The following CDK16 variants were observed in gnomAD, a reference collection of about 807,000 sequenced individuals.
The protein encoded by CDK16 is cyclin dependent kinase 16, also known as cyclin-dependent kinase 16.
In CDK16, 2 loss-of-function variants were observed where a neutral mutation model predicts 41.6. The ratio of observed to expected loss-of-function variants is 0.05; its 90% CI spans 0.02 to 0.15. CDK16 has a LOEUF of 0.15. Among genes scored for constraint, CDK16 ranks in the 10% least tolerant of loss-of-function variants. The probability of loss-of-function intolerance (pLI) is 1.00; values close to 1 mark genes in which losing one functional copy is unlikely to be tolerated. For synonymous variants in CDK16, 169 were observed against 169.7 expected, an observed-to-expected ratio of 1.00 and a Z score of 0.03; for missense variants, 228 against 428.9, an observed-to-expected ratio of 0.53 and a Z score of 4.14.
intron 1 of CDK16, 51 bp downstream of exon 1, chrX:47,219,156 C>T: frequency 3.8e-6 from 3 of 783,749 alleles, no homozygotes; most frequent in Non-Finnish European, 4.5e-6. Context: ...TCAGAACCCA[C>T]CTCGGGCGGT....
At chrX:47,226,086 A>G in intron 8 of CDK16, 59 bp downstream of exon 8, 1 of 1,144,565 alleles carries the variant, frequency 8.7e-7, no homozygotes, top group East Asian at 3.2e-5. Flanking sequence ...ACTCCAACCC[A>G]CAAATCTCCC....
At position 47,224,464 on chromosome X, in the gene CDK16, G is replaced by A; in HGVS notation, c.282G>A (p.Gln94=). 8.3e-7 allele frequency: 1 copy of A among 1,207,174 alleles called. No individual in the cohort carries two copies. The highest frequency in any genetic ancestry group is 1.1e-6 in the Non-Finnish European group (1 of 892,801). ...QASATSSDEV[Q]SPVRVRMRNH... The stretch of plus-strand genomic sequence containing the variant: ...CAGCCACGTCCTCGGATGAGGTGCA[G>A]TCTCCAGTGAGAGTGCGTATGCGCA... The change falls in exon 3 of 16, where the codon CAG becomes CAA. Residue 94 remains glutamine (Q), a synonymous_variant. Transcript: ENST00000357227.
At chrX:47,223,892 T>G in intron 2 of CDK16, 133 bp downstream of exon 2, 3 of 512,363 alleles carry the variant, frequency 5.9e-6, no homozygotes, top group Non-Finnish European at 9.8e-6. Flanking sequence ...CTTCTCCCCC[T>G]TCCCTCCCAT....
At chrX:47,220,535 C>T (rs770814853) in intron 1 of CDK16, among the ~76,000 whole-genome samples, 3 of 108,579 alleles carry the variant, frequency 2.8e-5, no homozygotes, top group Non-Finnish European at 5.8e-5. Flanking sequence ...AGGGTCAGGC[C>T]ATGGTAGAAC....
In CDK16 at chrX:47,228,718, C is replaced by T. The variant is rs2055283080; in HGVS notation, c.1454-13C>T. 1 of 1,209,757 alleles carries T rather than the reference C, an allele frequency of 8.3e-7. No individual in the cohort carries two copies. Among genetic ancestry groups the T allele is most frequent in the East Asian group, 3.0e-5 (1 of 33,785 alleles). On this transcript the variant is annotated splice_polypyrimidine_tract_variant and intron_variant, in intron 15 of 15. Coordinates refer to ENST00000357227, the MANE Select transcript of CDK16 (RefSeq NM_006201.5). ...TACCCACCAACAGCCATCTGCTCTGCTTTCCCCCACAGGCAGGCCAGCTTT... is the reference window on the plus strand; with the variant it reads ...TACCCACCAACAGCCATCTGCTCTGTTTTCCCCCACAGGCAGGCCAGCTTT...
chrX:47,224,284 C>G (rs1384368951), intron 2 of CDK16, 101 bp from the exon 3 acceptor site: 2 of 935,528 alleles, frequency 2.1e-6, no homozygotes, highest in Non-Finnish European at 2.9e-6. Context: ...GTGGGGGCCA[C>G]GTGCACACAT....
Position 47,229,172 on chromosome X carries a change from T to A in CDK16, c.*404T>A. On this transcript the variant is annotated 3_prime_UTR_variant, in exon 16 of 16. Transcript: ENST00000357227. ...CTCGACTCAGACAAGATGGTGACAA[T>A]GCCTTGAGTCTGAGGCATCCTCTGC... 3.4e-6 allele frequency: 1 copy of A among 291,894 alleles called. No individual in the cohort carries two copies. Among genetic ancestry groups the A allele is most frequent in the Non-Finnish European group, 6.1e-6 (1 of 163,340 alleles). The allele number at this position is 291,894 out of a possible 1,213,427, so 24.1% of individuals were successfully genotyped here.
chrX:47,224,829 C>A lies in CDK16; in HGVS notation c.463-5C>A. On this transcript the variant is annotated splice_region_variant and splice_polypyrimidine_tract_variant and intron_variant, in intron 4 of 15. Coordinates refer to ENST00000357227, the MANE Select transcript of CDK16 (RefSeq NM_006201.5). ...CAGCTTTAACCTGCCTCATTTGTCCCACAGTCTGAGATTGGCTTTGGGAAA... is the reference window on the plus strand; with the variant it reads ...CAGCTTTAACCTGCCTCATTTGTCCAACAGTCTGAGATTGGCTTTGGGAAA... 1 of 1,211,619 alleles carries A rather than the reference C, an allele frequency of 8.3e-7. No individual in the cohort carries two copies. Among genetic ancestry groups the A allele is most frequent in the South Asian group, 1.8e-5 (1 of 56,969 alleles).
rs868593901 is a variant in CDK16, at chrX:47,228,796, C to T, written c.*28C>T. 5 of 1,194,307 alleles carry T rather than the reference C, an allele frequency of 4.2e-6. No individual in the cohort carries two copies. Among genetic ancestry groups the T allele is most frequent in the South Asian group, 1.8e-5 (1 of 55,888 alleles). Reference sequence around the variant, plus strand: ...CACAGACCGAGGCCCCAGCAGGCAGCGGCTGGAGGGATGCCACACCCCTCA... The same window carrying T: ...CACAGACCGAGGCCCCAGCAGGCAGTGGCTGGAGGGATGCCACACCCCTCA... On this transcript the variant is annotated 3_prime_UTR_variant, in exon 16 of 16. Transcript: ENST00000357227.
At chrX:47,221,078 TAGC>T (rs770722826) in intron 1 of CDK16, among the ~76,000 whole-genome samples, 75 of 111,174 alleles carry the variant, frequency 6.7e-4, no homozygotes, top group African/African-American at 2.3e-3. Flanking sequence ...TATGAGATAA[TAGC>T]AGGTAAGATG....
chrX:47,219,097 C>T lies in CDK16; in HGVS notation c.-15C>T. On this transcript the variant is annotated 5_prime_UTR_variant, in exon 1 of 16. Transcript: ENST00000357227. Reference sequence around the variant, plus strand: ...CCGCGGCTCTGAGGTTGCTCGCGCGCCCCCGCCGGTGAGCGCGTCCCCGAG... The same window carrying T: ...CCGCGGCTCTGAGGTTGCTCGCGCGTCCCCGCCGGTGAGCGCGTCCCCGAG... The T allele has an allele frequency of 1.2e-6, 1 of 812,496 alleles. No individual in the cohort carries two copies. Among genetic ancestry groups the T allele is most frequent in the Non-Finnish European group, 1.5e-6 (1 of 676,114 alleles). The allele number at this position is 812,496 out of a possible 1,213,427, so 67.0% of individuals were successfully genotyped here. A position where few individuals can be genotyped will look rare whatever the true frequency, so the allele number is the denominator to read the frequency against.
Position 47,220,478 on chromosome X carries a change from G to T in CDK16, c.-7+1373G>T, listed in dbSNP as rs1937293168. 3.6e-5 allele frequency among the ~76,000 whole-genome samples: 4 copies of T among 109,597 alleles called. No individual in the cohort carries two copies. The South Asian group carries it at 1.6e-3, about 44-fold the overall frequency. On this transcript the variant is annotated intron_variant, in intron 1 of 15. Transcript: ENST00000357227. ...GATTACAGCTAGGGAGGGCTGAAGTGTGTGCTAATGGGAGTCAGGGCTGAA... is the reference window on the plus strand; with the variant it reads ...GATTACAGCTAGGGAGGGCTGAAGTTTGTGCTAATGGGAGTCAGGGCTGAA...
intron 13 of CDK16, 65 bp from the exon 14 acceptor site, chrX:47,227,314 G>A (rs1012532412): frequency 5.5e-6 from 6 of 1,096,340 alleles, no homozygotes; most frequent in Non-Finnish European, 7.5e-6. Context: ...CAGGGTCTGA[G>A]GTGGGCAGAG....
rs1282328413 is a variant in CDK16, at chrX:47,227,099, G to T, written c.1241G>T (p.Arg414Leu). 8.3e-7 allele frequency: 1 copy of T among 1,208,569 alleles called. No homozygotes were observed. Among genetic ancestry groups the T allele is most frequent in the Non-Finnish European group, 1.1e-6 (1 of 892,564 alleles). The change falls in exon 12 of 16, where the codon CGA becomes CTA. Residue 414 changes from arginine (R) to leucine (L), a missense_variant and splice_region_variant. Physicochemically the swap from Arg to Leu is moderately radical, Grantham distance 102. This residue lies in a region of CDK16 where 91 missense variants were observed against 129.5 expected (regional missense o/e 0.70). Transcript: ENST00000357227. ...RAEALLSHAPRLDSDGADLLT... is the reference protein window; with the variant it reads ...RAEALLSHAPLLDSDGADLLT... The stretch of plus-strand genomic sequence containing the variant: ...GAGGCCCTTTTGAGCCACGCACCCC[G>T]GTGAGGCTGGTGGGTGGGTGGGCGT...
At position 47,225,875 on chromosome X, in the gene CDK16, G is replaced by C. The variant is rs770199623; in HGVS notation, c.729+9G>C. 1 of 1,195,629 alleles carries C rather than the reference G, an allele frequency of 8.4e-7. No individual in the cohort carries two copies. The highest frequency in any genetic ancestry group is 3.0e-5 in the East Asian group (1 of 33,804). The stretch of plus-strand genomic sequence containing the variant: ...TTGTCTTTGAGTACCTGGTAAGGTT[G>C]AGTGGCAGTAGGTCCCAGGGGGAGG... On this transcript the variant is annotated intron_variant, in intron 7 of 15. Coordinates refer to ENST00000357227, the MANE Select transcript of CDK16 (RefSeq NM_006201.5).
Position 47,229,299 on chromosome X carries a change from GTT to G in CDK16, c.*538_*539del. 5.2e-6 allele frequency: 1 copy of G among 191,075 alleles called. No homozygotes were observed. Among genetic ancestry groups the G allele is most frequent in the Non-Finnish European group, 9.8e-6 (1 of 101,768 alleles). 15.7% of individuals were successfully genotyped at this position (191,075 alleles called of 1,213,427 possible). A position where few individuals can be genotyped will look rare whatever the true frequency, so the allele number is the denominator to read the frequency against. The stretch of plus-strand genomic sequence containing the variant: ...TTTAATTATTTTAAATGAGATTTTT[GTT>G]TTTTTTAAATGCAATATCTCTGTAT... On this transcript the variant is annotated 3_prime_UTR_variant, in exon 16 of 16. Transcript: ENST00000357227.
At position 47,223,284 on chromosome X, in the gene CDK16, A is replaced by T. The variant is rs769697976; in HGVS notation, c.-6-268A>T. The T allele has an allele frequency of 4.5e-5, 52 of 1,155,025 alleles. 1 individual carries two copies. In the South Asian group the frequency reaches 9.5e-4, roughly 21 times the overall value. On this transcript the variant is annotated intron_variant, in intron 1 of 15. Coordinates refer to ENST00000357227, the MANE Select transcript of CDK16 (RefSeq NM_006201.5). Reference sequence around the variant, plus strand: ...ATCCATCGTTAGGGCCCTTGCCCTCAATCAGCCACCTAAATCTGAGAACTC... The same window carrying T: ...ATCCATCGTTAGGGCCCTTGCCCTCTATCAGCCACCTAAATCTGAGAACTC...
intron 1 of CDK16, chrX:47,222,952 T>TGGCCG: frequency 1.5e-6 from 1 of 655,455 alleles, no homozygotes; most frequent in Non-Finnish European, 1.9e-6. Flanking sequence ...TGACACACGC[T>TGGCCG]CCCCTCCCCC....
At position 47,218,736 on chromosome X, in the gene CDK16, C is replaced by A; in HGVS notation, c.-376C>A. ...CATGCGCGGAGCGCGGCGCGCGCGG[C>A]GGTTGGGCCGTTGGCTGTTCGGCCC... On this transcript the variant is annotated 5_prime_UTR_variant, in exon 1 of 16. Coordinates refer to ENST00000357227, the MANE Select transcript of CDK16 (RefSeq NM_006201.5). The A allele has an allele frequency of 1.7e-6, 2 of 1,159,827 alleles. No individual in the cohort carries two copies. The highest frequency in any genetic ancestry group is 2.3e-6 in the Non-Finnish European group (2 of 870,617).
Sources: gnomAD v4.1 joint callset for allele counts (sites outside exome capture counted in the v4.1 genomes callset) on GRCh38, gnomAD v4.1.1 for gene constraint, gnomAD v4.1.1 regional missense constraint, MANE v1.5 for transcripts, NCBI Gene and HGNC (gene_info 2026-07-23, HGNC 2026-07-21) for gene names.